Variants in PCDH11X observed in about 807,000 individuals in gnomAD.
The protein encoded by PCDH11X is protocadherin-11 X-linked.
Under a neutral mutation model 53.3 loss-of-function variants are expected in PCDH11X, and 18 were observed. That is an observed-to-expected ratio of 0.34 (90% confidence interval 0.23 to 0.50). The LOEUF (loss-of-function observed/expected upper bound fraction) is 0.50. Ranked by LOEUF, PCDH11X falls within the 20% of genes least tolerant of loss-of-function variation. The probability of loss-of-function intolerance (pLI) is 0.98; values close to 1 mark genes in which losing one functional copy is unlikely to be tolerated. For synonymous variants in PCDH11X, 279 were observed against 393.3 expected, an observed-to-expected ratio of 0.71 and a Z score of 3.44; for missense variants, 570 against 1,032.4, an observed-to-expected ratio of 0.55 and a Z score of 6.14.
rs1268637713 is a variant in PCDH11X at position 91,892,540 on chromosome X, C to T, written c.3033+13267C>T. 2.2e-4 allele frequency among the ~76,000 whole-genome samples: 24 copies of T among 111,080 alleles called. 1 individual carries two copies. The highest frequency in any genetic ancestry group is 1.5e-3 in the Admixed American group (15 of 10,272). On this transcript the variant is annotated intron_variant, in intron 6 of 10. Coordinates refer to ENST00000682573, the MANE Select transcript of PCDH11X (RefSeq NM_032968.5). ...GTCATTTCTTCTGCTACCCCCTCTT[C>T]CCTGATCATGGCATGCACTTTGATG...
chrX:91,911,260 G>T (rs1412839813), intron 6 of PCDH11X, among the ~76,000 whole-genome samples: 9 of 109,283 alleles, frequency 8.2e-5, no homozygotes, highest in Non-Finnish European at 1.7e-4. Context: ...TCCAGGGATA[G>T]TTCTATTCCC....
intron 1 of PCDH11X, among the ~76,000 whole-genome samples, chrX:91,782,708 A>G (rs938207411): frequency 2.6e-4 from 29 of 110,437 alleles, no homozygotes; most frequent in Non-Finnish European, 4.9e-4. Flanking sequence ...CATAGGGGAG[A>G]GACCACCATG....
chrX:92,272,023 C>G (rs997842788), intron 8 of PCDH11X, among the ~76,000 whole-genome samples: 3 of 111,810 alleles, frequency 2.7e-5, no homozygotes, highest in African/African-American at 9.7e-5. Flanking sequence ...GATTCAGTAT[C>G]TTTTCTGTTT....
intron 6 of PCDH11X, among the ~76,000 whole-genome samples, chrX:92,153,388 G>A (rs138178700): frequency 0.029 from 3,224 of 110,184 alleles, 73 homozygotes; most frequent in African/African-American, 0.079. Context: ...AAACAGAGCC[G>A]CACTGAGTTT....
intron 7 of PCDH11X, among the ~76,000 whole-genome samples, chrX:92,262,833 C>G (rs2067746417): frequency 9.0e-6 from 1 of 111,014 alleles, no homozygotes; most frequent in Admixed American, 9.6e-5. Flanking sequence ...GTGAGCTAAG[C>G]ATATATTTTT....
At chrX:92,337,927 C>T (rs2069659101) in intron 8 of PCDH11X, among the ~76,000 whole-genome samples, 2 of 111,494 alleles carry the variant, frequency 1.8e-5, no homozygotes, top group South Asian at 7.5e-4. Flanking sequence ...TAGACATATT[C>T]TTAAACTCTA....
intron 6 of PCDH11X, among the ~76,000 whole-genome samples, chrX:91,986,980 A>G (rs1342961485): frequency 9.1e-6 from 1 of 110,053 alleles, no homozygotes; most frequent in Non-Finnish European, 1.9e-5. Context: ...TTGGCAATGT[A>G]TTCAATCCAA....
chrX:91,987,795 A>C (rs2062250549), intron 6 of PCDH11X, among the ~76,000 whole-genome samples: 1 of 110,592 alleles, frequency 9.0e-6, no homozygotes. Context: ...AAATGCACAA[A>C]ATTTGTGTTA....
chrX:92,529,331 T>A (rs1247350533), intron 10 of PCDH11X, among the ~76,000 whole-genome samples: 4 of 108,796 alleles, frequency 3.7e-5, no homozygotes, highest in Non-Finnish European at 5.7e-5. Context: ...ATGCCTGTGA[T>A]ACCTTTCAGA....
At chrX:91,966,828 T>C (rs979033370) in intron 6 of PCDH11X, among the ~76,000 whole-genome samples, 2 of 110,968 alleles carry the variant, frequency 1.8e-5, no homozygotes, top group Admixed American at 1.9e-4. Flanking sequence ...AAATTCTACT[T>C]TAAGTTCCAG....
At chrX:92,365,434 G>T (rs1414666130) in intron 8 of PCDH11X, among the ~76,000 whole-genome samples, 1 of 109,963 alleles carries the variant, frequency 9.1e-6, no homozygotes, top group Non-Finnish European at 1.9e-5. Flanking sequence ...TAAAGACAGG[G>T]TCACACCATG....
At chrX:91,990,172 T>C (rs2062298016) in intron 6 of PCDH11X, among the ~76,000 whole-genome samples, 2 of 110,943 alleles carry the variant, frequency 1.8e-5, no homozygotes, top group South Asian at 7.6e-4. Context: ...AATTAATCCA[T>C]TATGATTATA....
chrX:92,354,687 G>A (rs1019658722), intron 8 of PCDH11X, among the ~76,000 whole-genome samples: 1 of 111,534 alleles, frequency 9.0e-6, no homozygotes, highest in Non-Finnish European at 1.9e-5. Context: ...AGAATTCAAT[G>A]TAGGATTTTT....
chrX:92,380,395 G>A (rs1283281085), intron 8 of PCDH11X, among the ~76,000 whole-genome samples: 1 of 112,040 alleles, frequency 8.9e-6, no homozygotes, highest in East Asian at 2.8e-4. Flanking sequence ...CCGAGTGGGT[G>A]GAATAAGCCC....
intron 6 of PCDH11X, among the ~76,000 whole-genome samples, chrX:92,174,010 A>T (rs2065865002): frequency 9.7e-6 from 1 of 103,343 alleles, no homozygotes; most frequent in Non-Finnish European, 2.0e-5. Flanking sequence ...AAAAAAAAAA[A>T]AAAGTAGTGA....
chrX:91,854,949 T>C (rs1342721580), intron 5 of PCDH11X, among the ~76,000 whole-genome samples: 11 of 111,699 alleles, frequency 9.8e-5, no homozygotes, highest in Admixed American at 3.8e-4. Flanking sequence ...GTGGGTTGTC[T>C]CTTCACTTTG....
chrX:92,070,034 C>CA (rs952879120), intron 6 of PCDH11X, among the ~76,000 whole-genome samples: 25 of 109,338 alleles, frequency 2.3e-4, no homozygotes, highest in South Asian at 7.7e-4. Flanking sequence ...AACAAACATG[C>CA]AAAAAAAAAC....
chrX:92,542,833 A>G (rs1047451537), intron 10 of PCDH11X, among the ~76,000 whole-genome samples: 2 of 111,480 alleles, frequency 1.8e-5, no homozygotes, highest in African/African-American at 6.5e-5. Context: ...AATATAAAGA[A>G]TACATGATCT....
chrX:92,147,855 T>TTTCTTTCTTTCTTTCTTTC (rs1569388372), intron 6 of PCDH11X, among the ~76,000 whole-genome samples: 1 of 22,356 alleles, frequency 4.5e-5, no homozygotes, highest in African/African-American at 7.8e-5. Flanking sequence ...TTCTTTCTTT[T>TTTCTTTCTTTCTTTCTTTC]TTCTTTTCTC....
Sources: allele counts gnomAD v4.1 joint callset (sites outside exome capture counted in the v4.1 genomes callset), GRCh38; gene constraint gnomAD v4.1.1; transcripts MANE v1.5; gene names NCBI Gene and HGNC (gene_info 2026-07-23, HGNC 2026-07-21).